Variants in PLEKHA4 observed in about 807,000 individuals in gnomAD.
The protein encoded by PLEKHA4 is pleckstrin homology domain containing A4.
PLEKHA4 carries 73 observed loss-of-function variants against 94.7 expected under a neutral mutation model. That is an observed-to-expected ratio of 0.77 (90% CI 0.64 to 0.94). The LOEUF (loss-of-function observed/expected upper bound fraction) is 0.94, where lower values mean the gene tolerates loss of function less well. Ranked by LOEUF, PLEKHA4 falls within the 40% of genes least tolerant of loss-of-function variation. The pLI, the probability that PLEKHA4 is intolerant of heterozygous loss-of-function variation, is 0.00. For missense variants in PLEKHA4, 1,049 were observed against 1,054.1 expected (o/e 1.00, Z 0.07); for synonymous variants, 449 against 437.1 (o/e 1.03, Z -0.34).
rs1379077168 is a variant in PLEKHA4 at position 48,837,757 on chromosome 19, C to T, written c.2078-206G>A. 6.6e-6 allele frequency among the ~76,000 whole-genome samples: 1 copy of T among 151,072 alleles called. No homozygotes were observed. The highest frequency in any genetic ancestry group is 1.5e-5 in the Non-Finnish European group (1 of 67,766). On this transcript the variant is annotated intron_variant, in intron 19 of 19. Coordinates refer to ENST00000263265, the MANE Select transcript of PLEKHA4 (RefSeq NM_020904.3). The surrounding 1 kb of genome is among the most constrained non-coding windows in gnomAD (Gnocchi z 4.3). ...TCCCTCAGATCCAGGAGTCTGGATA[C>T]GCCAGTCCAGTCCTCTTTGAGACTC...
chr19:48,845,484 T>C, intron 15 of PLEKHA4, 33 bp downstream of exon 15: 1 of 1,613,192 alleles, frequency 6.2e-7, no homozygotes, highest in Non-Finnish European at 8.5e-7. Context: ...GGACGGGAAT[T>C]TCCGTAAAGT....
At chr19:48,839,981 G>A (rs74405063) in intron 17 of PLEKHA4, among the ~76,000 whole-genome samples, 1 of 151,950 alleles carries the variant, frequency 6.6e-6, no homozygotes, top group South Asian at 2.1e-4. Flanking sequence ...GGTGGCATGG[G>A]CCTGTAATCC....
At chr19:48,847,148 G>T (rs530271459) in intron 14 of PLEKHA4, among the ~76,000 whole-genome samples, 2 of 152,080 alleles carry the variant, frequency 1.3e-5, no homozygotes, top group African/African-American at 4.8e-5. Context: ...ATCATATTAG[G>T]GCTGGGTGCG....
At chr19:48,855,361 T>C (rs1029641403) in intron 9 of PLEKHA4, among the ~76,000 whole-genome samples, 2 of 152,052 alleles carry the variant, frequency 1.3e-5, no homozygotes, top group Non-Finnish European at 2.9e-5. Context: ...CCCAACACTT[T>C]GGGAGGCCGA....
intron 13 of PLEKHA4, among the ~76,000 whole-genome samples, chr19:48,851,342 C>A (rs1224790044): frequency 6.6e-6 from 1 of 152,130 alleles, no homozygotes; most frequent in Non-Finnish European, 1.5e-5. Context: ...GTAGGCCGGG[C>A]GCAGTGGCTC....
Position 48,841,289 on chromosome 19 carries a change from TCCGGGG to T in PLEKHA4, c.1759_1764del (p.Pro587_Arg588del). ...CGCTCCAGCTGCTCCTGGGCACTCA[TCCGGGG>T]CCGGGCCACCGGGGCCTAGGGAGGC... On this transcript the variant is annotated inframe_deletion, in exon 17 of 20. Transcript: ENST00000263265. 6.2e-7 allele frequency: 1 copy of T among 1,611,920 alleles called. No individual in the cohort carries two copies. Among genetic ancestry groups the T allele is most frequent in the Non-Finnish European group, 8.5e-7 (1 of 1,179,114 alleles).
Position 48,853,691 on chromosome 19 carries a change from G to C in PLEKHA4, c.1317C>G (p.His439Gln). 6.3e-7 allele frequency: 1 copy of C among 1,578,800 alleles called. No homozygotes were observed. Among genetic ancestry groups the C allele is most frequent in the South Asian group, 1.1e-5 (1 of 87,684 alleles). ...CTTCCCAGGTGCTCACCTGAGTCAA[G>C]TGACAGAGGGTGGCCCTCACACTGA... ...RLVSVRATLC[H>Q]LTQERERVWD... Residue 439 changes from histidine to glutamine, a missense_variant, in exon 12 of 20, where the codon CAC (histidine) becomes CAG (glutamine). By Grantham distance (24) the His-to-Gln change is conservative. Transcript: ENST00000263265.
chr19:48,862,377 T>G (rs1250451717), intron 3 of PLEKHA4, among the ~76,000 whole-genome samples: 1 of 151,074 alleles, frequency 6.6e-6, no homozygotes, highest in Non-Finnish European at 1.5e-5. Context: ...ATTTTTGTAT[T>G]TTTAGTAGAG....
intron 7 of PLEKHA4, 22 bp from the exon 8 acceptor site, chr19:48,859,161 G>A (rs753816627): frequency 1.4e-4 from 213 of 1,511,192 alleles, no homozygotes; most frequent in Admixed American, 2.7e-4. Context: ...AGAGAATCGG[G>A]GAACTGAGTC....
chr19:48,847,767 C>T, intron 14 of PLEKHA4, 133 bp downstream of exon 14: 31 of 1,043,316 alleles, frequency 3.0e-5, no homozygotes, highest in Non-Finnish European at 4.0e-5. Flanking sequence ...ACAAAGGCTT[C>T]CAGAGGTTAG....
intron 7 of PLEKHA4, 137 bp from the exon 8 acceptor site, chr19:48,859,276 C>T: frequency 1.1e-6 from 1 of 901,094 alleles, no homozygotes; most frequent in Non-Finnish European, 1.7e-6. Context: ...TCCTCCTCTA[C>T]TGTCCAAATC....
At chr19:48,844,773 T>A (rs942059430) in intron 16 of PLEKHA4, among the ~76,000 whole-genome samples, 1 of 148,604 alleles carries the variant, frequency 6.7e-6, no homozygotes, top group Non-Finnish European at 1.5e-5. Flanking sequence ...CAGGGCCACA[T>A]GAGATCAGCA....
At chr19:48,861,167 C>T (rs1347500532) in intron 5 of PLEKHA4, among the ~76,000 whole-genome samples, 3 of 152,156 alleles carry the variant, frequency 2.0e-5, no homozygotes, top group Non-Finnish European at 4.4e-5. Flanking sequence ...GAGATCGCAC[C>T]ACTGCACTCC....
rs892741495 is a variant in PLEKHA4, at chr19:48,843,468, C to G, written c.1743+1902G>C. On this transcript the variant is annotated intron_variant, in intron 16 of 19. Coordinates refer to ENST00000263265, the MANE Select transcript of PLEKHA4 (RefSeq NM_020904.3). ...TGCTGGGATTACAGGCGTTAGCCAC[C>G]GCACGCGGTCTTTTTTCTTTTTTTT... Among the ~76,000 whole-genome samples the G allele has an allele frequency of 2.0e-5, 3 of 150,918 alleles. No individual in the cohort carries two copies. In the South Asian group the frequency reaches 6.3e-4, roughly 32 times the overall value.
At chr19:48,860,599 A>G (rs556346475) in intron 5 of PLEKHA4, 140 bp from the exon 6 acceptor site, 12 of 639,316 alleles carry the variant, frequency 1.9e-5, no homozygotes, top group African/African-American at 1.8e-4. Context: ...CCTAGGCAAC[A>G]TAATGAGACA....
intron 12 of PLEKHA4, among the ~76,000 whole-genome samples, 166 bp downstream of exon 12, chr19:48,853,516 T>G (rs2036283571): frequency 6.6e-6 from 1 of 150,520 alleles, no homozygotes; most frequent in African/African-American, 2.4e-5. Flanking sequence ...AAAAAAAAAA[T>G]TAGAGTGGTT....
rs1282065106 is a variant in PLEKHA4, at chr19:48,857,136, G to A, written c.1047+286C>T. ...CAGGAATTGCTGGCAACCACCAGAA[G>A]CTAAGAGAGAGTCAATAAAAGCTCC... is the stretch of plus-strand genomic sequence containing the variant. On this transcript the variant is annotated intron_variant, in intron 9 of 19. Coordinates refer to ENST00000263265, the MANE Select transcript of PLEKHA4 (RefSeq NM_020904.3). Among the ~76,000 whole-genome samples, 4 of 152,032 alleles carry A rather than the reference G, an allele frequency of 2.6e-5. No individual in the cohort carries two copies. In the East Asian group the frequency reaches 5.8e-4, roughly 22 times the overall value.
chr19:48,844,385 C>A (rs1253456529), intron 16 of PLEKHA4: 2 of 844,020 alleles, frequency 2.4e-6, no homozygotes, highest in Non-Finnish European at 1.4e-6. Flanking sequence ...AAACTCCTGA[C>A]CTCAAGTGAT....
At chr19:48,841,843 G>A (rs2035780403) in intron 16 of PLEKHA4, among the ~76,000 whole-genome samples, 1 of 152,148 alleles carries the variant, frequency 6.6e-6, no homozygotes, top group South Asian at 2.1e-4. Flanking sequence ...CTACTCAAGA[G>A]GCTGAGGCAG....
Sources: allele counts gnomAD v4.1 joint callset (sites outside exome capture counted in the v4.1 genomes callset), GRCh38; gene constraint gnomAD v4.1.1; non-coding constraint Gnocchi (gnomAD v3.1); transcripts MANE v1.5; gene names NCBI Gene and HGNC (gene_info 2026-07-23, HGNC 2026-07-21).